SORCS1: variants seen among roughly 807,000 people sequenced by gnomAD.
SORCS1 encodes sortilin related VPS10 domain containing receptor 1.
SORCS1 carries 60 observed loss-of-function variants against 146.1 expected under a neutral mutation model. That is an observed-to-expected ratio of 0.41 (90% CI 0.33 to 0.51). The LOEUF (loss-of-function observed/expected upper bound fraction) is 0.51, where lower values mean the gene tolerates loss of function less well. Among genes scored for constraint, SORCS1 ranks in the 20% least tolerant of loss-of-function variants. The probability of loss-of-function intolerance (pLI) is 0.21; values close to 1 mark genes in which losing one functional copy is unlikely to be tolerated. For synonymous variants in SORCS1, 637 were observed against 584.0 expected, an observed-to-expected ratio of 1.09 and a Z score of -1.31; for missense variants, 1,352 against 1,487.6, an observed-to-expected ratio of 0.91 and a Z score of 1.50.
At chr10:106,714,751 C>G (rs191625042) in intron 6 of SORCS1, among the ~76,000 whole-genome samples, 35 of 152,234 alleles carry the variant, frequency 2.3e-4, no homozygotes, top group African/African-American at 8.2e-4. Flanking sequence ...AATCCCTAGT[C>G]CAGCCCTTCT....
intron 1 of SORCS1, among the ~76,000 whole-genome samples, chr10:106,998,036 A>G (rs1957071305): frequency 6.6e-6 from 1 of 152,248 alleles, no homozygotes; most frequent in Non-Finnish European, 1.5e-5. Context: ...CTTAAATGCA[A>G]CAGACGAGCA....
chr10:106,745,197 A>C (rs1201307394), intron 5 of SORCS1, among the ~76,000 whole-genome samples: 1 of 152,136 alleles, frequency 6.6e-6, no homozygotes, highest in Non-Finnish European at 1.5e-5. Context: ...GCAGACCAAG[A>C]GGTCAGGAGA....
intron 4 of SORCS1, among the ~76,000 whole-genome samples, chr10:106,773,796 A>G (rs1860212317): frequency 6.6e-6 from 1 of 152,124 alleles, no homozygotes; most frequent in Admixed American, 6.5e-5. Context: ...AAAGATACAA[A>G]AAATTAGCCA....
At chr10:106,654,645 C>G (rs1374064873) in intron 17 of SORCS1, among the ~76,000 whole-genome samples, 1 of 152,118 alleles carries the variant, frequency 6.6e-6, no homozygotes, top group Non-Finnish European at 1.5e-5. Flanking sequence ...TTGGTTATTA[C>G]CACATCCCCA....
chr10:106,705,854 C>T (rs1008830440), intron 8 of SORCS1, among the ~76,000 whole-genome samples: 1 of 152,134 alleles, frequency 6.6e-6, no homozygotes, highest in African/African-American at 2.4e-5. Flanking sequence ...TTTTGTTTGC[C>T]TCTGTTTTCC....
At chr10:107,132,030 T>C (rs1353486295) in intron 1 of SORCS1, among the ~76,000 whole-genome samples, 3 of 152,342 alleles carry the variant, frequency 2.0e-5, no homozygotes, top group Middle Eastern at 3.4e-3. Flanking sequence ...AAGTAAAACC[T>C]AGAAAGTTAA....
chr10:106,857,204 G>T (rs186695333), intron 2 of SORCS1, among the ~76,000 whole-genome samples: 3 of 152,248 alleles, frequency 2.0e-5, no homozygotes, highest in Admixed American at 2.0e-4. Context: ...ATGCCTAATG[G>T]GCACGTACTG....
intron 1 of SORCS1, among the ~76,000 whole-genome samples, chr10:107,005,613 A>C (rs1185875790): frequency 6.6e-6 from 1 of 152,180 alleles, no homozygotes; most frequent in African/African-American, 2.4e-5. Flanking sequence ...AAATGTTAAC[A>C]TAATTATCTC....
intron 18 of SORCS1, among the ~76,000 whole-genome samples, chr10:106,631,476 T>G (rs1324083748): frequency 2.0e-5 from 3 of 152,188 alleles, no homozygotes; most frequent in Admixed American, 2.0e-4. Context: ...CAGCCCTAGG[T>G]GTGGGCAAGG....
At chr10:106,742,223 T>C (rs1032725787) in intron 5 of SORCS1, among the ~76,000 whole-genome samples, 1 of 152,198 alleles carries the variant, frequency 6.6e-6, no homozygotes, top group African/African-American at 2.4e-5. Flanking sequence ...TTATCTGAAG[T>C]ACTTGGGACC....
chr10:106,891,501 A>ATTTTTTTTTTTTTTTTTTTTT (rs562213104), intron 2 of SORCS1, among the ~76,000 whole-genome samples: 2 of 74,062 alleles, frequency 2.7e-5, no homozygotes, highest in Non-Finnish European at 5.7e-5. Flanking sequence ...TTCAATGGGA[A>ATTTTTTTTTTTTTTTTTTTTT]TTCTTTTTTT....
chr10:106,695,305 T>A (rs1301890437), intron 9 of SORCS1, among the ~76,000 whole-genome samples: 1 of 152,182 alleles, frequency 6.6e-6, no homozygotes, highest in Admixed American at 6.5e-5. Context: ...TACATTGACT[T>A]TTCCCCAGAT....
intron 2 of SORCS1, among the ~76,000 whole-genome samples, chr10:106,879,510 T>C (rs750896670): frequency 7.9e-5 from 12 of 152,134 alleles, no homozygotes; most frequent in Admixed American, 6.5e-5. Flanking sequence ...AATGAATAGG[T>C]TAGATGACAT....
At chr10:106,950,421 G>A (rs531230890) in intron 2 of SORCS1, among the ~76,000 whole-genome samples, 1 of 152,140 alleles carries the variant, frequency 6.6e-6, no homozygotes, top group Non-Finnish European at 1.5e-5. Flanking sequence ...TGACTCTTCA[G>A]CTGCTAAAAC....
chr10:106,856,062 T>G (rs1054047490), intron 2 of SORCS1, among the ~76,000 whole-genome samples: 12 of 151,562 alleles, frequency 7.9e-5, no homozygotes, highest in African/African-American at 2.9e-4. Context: ...AGTCTCGCTC[T>G]GTCACCCATT....
chr10:106,998,790 T>A (rs1957098901), intron 1 of SORCS1, among the ~76,000 whole-genome samples: 1 of 152,208 alleles, frequency 6.6e-6, no homozygotes, highest in Non-Finnish European at 1.5e-5. Flanking sequence ...AAAAATAACC[T>A]CTCTGATACA....
chr10:107,088,963 TATTA>T (rs141614832), intron 1 of SORCS1, among the ~76,000 whole-genome samples: 9,701 of 152,176 alleles, frequency 0.064, 948 homozygotes, highest in African/African-American at 0.22. Flanking sequence ...TTGTTTCTAT[TATTA>T]ATTCTATTAC....
chr10:107,123,526 A>C (rs541196514), intron 1 of SORCS1, among the ~76,000 whole-genome samples: 2 of 152,354 alleles, frequency 1.3e-5, no homozygotes, highest in African/African-American at 2.4e-5. Context: ...AATAGAATGT[A>C]TCATAAGTTA....
At chr10:106,738,974 C>T (rs764026311) in intron 5 of SORCS1, among the ~76,000 whole-genome samples, 2 of 152,152 alleles carry the variant, frequency 1.3e-5, no homozygotes, top group South Asian at 2.1e-4. Context: ...AGGCGTGAGC[C>T]GCTGTGGCCA....
Sources: allele counts gnomAD v4.1 joint callset (sites outside exome capture counted in the v4.1 genomes callset), GRCh38; gene constraint gnomAD v4.1.1; transcripts MANE v1.5; gene names NCBI Gene and HGNC (gene_info 2026-07-23, HGNC 2026-07-21).